FER1L6: variants seen among roughly 807,000 people sequenced by gnomAD.
FER1L6 encodes fer-1-like protein 6.
FER1L6 carries 177 observed loss-of-function variants against 219.2 expected under a neutral mutation model. The ratio of observed to expected loss-of-function variants is 0.81; its 90% CI spans 0.71 to 0.91. The LOEUF is 0.91. Among genes scored for constraint, FER1L6 ranks in the 40% least tolerant of loss-of-function variants. The pLI is 0.00. For missense variants in FER1L6, 2,153 were observed against 2,259.9 expected (o/e 0.95, Z 0.96); for synonymous variants, 768 against 824.3 (o/e 0.93, Z 1.17).
intron 1 of FER1L6, among the ~76,000 whole-genome samples, chr8:123,886,474 ATGTCT>A (rs1817205368): frequency 6.6e-6 from 1 of 152,142 alleles, no homozygotes; most frequent in African/African-American, 2.4e-5. Context: ...ACCTACTGAC[ATGTCT>A]TGACCCAGCA....
At chr8:124,080,232 C>T (rs535834886) in intron 32 of FER1L6, among the ~76,000 whole-genome samples, 43 of 152,118 alleles carry the variant, frequency 2.8e-4, no homozygotes, top group Non-Finnish European at 4.6e-4. Context: ...ACCCTTGCAT[C>T]TAGGGATAGT....
At chr8:123,969,204 T>C (rs1815688344) in intron 5 of FER1L6, among the ~76,000 whole-genome samples, 1 of 152,218 alleles carries the variant, frequency 6.6e-6, no homozygotes, top group Non-Finnish European at 1.5e-5. Flanking sequence ...TTCAGTCTTA[T>C]CTGTAAAACA....
rs117403659 is a variant in FER1L6 at position 123,992,786 on chromosome 8, A to G, written c.1519+6610A>G. ...TTTTTCCTATTTTTCTACTTCCTTG[A>G]GGTGCGACATTGGGTTGTCAATTTG... On this transcript the variant is annotated intron_variant, in intron 12 of 40. Transcript: ENST00000522917. Among the ~76,000 whole-genome samples the G allele has an allele frequency of 5.3e-3, 803 of 151,972 alleles. 1 individual carries two copies. Among genetic ancestry groups the G allele is most frequent in the Middle Eastern group, 0.01 (3 of 294 alleles).
At chr8:123,964,408 T>G (rs1815441162) in intron 3 of FER1L6, among the ~76,000 whole-genome samples, 1 of 152,182 alleles carries the variant, frequency 6.6e-6, no homozygotes, top group African/African-American at 2.4e-5. Flanking sequence ...GTTTCTGGGT[T>G]GTGACAGGAT....
chr8:124,042,601 T>C (rs1205459279), intron 20 of FER1L6, among the ~76,000 whole-genome samples: 3 of 152,196 alleles, frequency 2.0e-5, no homozygotes, highest in Non-Finnish European at 1.5e-5. Flanking sequence ...AATTTCCCTC[T>C]CCTGTTTCAC....
Position 123,950,819 on chromosome 8 carries a change from C to A in FER1L6, c.-7-5173C>A, listed in dbSNP as rs1452211431. ...CCTCCCGTGAGACTGGGAGCCAGGGCCCATCCATTCAGGCCATTAGCCTTG... is the reference window on the plus strand; with the variant it reads ...CCTCCCGTGAGACTGGGAGCCAGGGACCATCCATTCAGGCCATTAGCCTTG... On this transcript the variant is annotated intron_variant, in intron 1 of 40. Transcript: ENST00000522917. Among the ~76,000 whole-genome samples, 5 of 152,160 alleles carry A rather than the reference C, an allele frequency of 3.3e-5. No homozygotes were observed. In the East Asian group the frequency reaches 9.6e-4, roughly 29 times the overall value.
chr8:124,108,537 T>G, intron 39 of FER1L6, among the ~76,000 whole-genome samples: 1 of 152,134 alleles, frequency 6.6e-6, no homozygotes, highest in East Asian at 1.9e-4. Context: ...TACCTAAATA[T>G]CTTAGTCAAT....
rs1454698281 is a variant in FER1L6, at chr8:123,898,868, C to T, written c.-8+46683C>T. Among the ~76,000 whole-genome samples the T allele has an allele frequency of 1.1e-3, 120 of 112,116 alleles. 1 individual carries two copies. The South Asian group carries it at 0.019, about 17-fold the overall frequency. The allele number at this position is 112,116 out of a possible 152,430, so 73.6% of individuals were successfully genotyped here. A position where few individuals can be genotyped will look rare whatever the true frequency, so the allele number is the denominator to read the frequency against. On this transcript the variant is annotated intron_variant, in intron 1 of 40. Transcript: ENST00000522917. ...ATATATACACACACACACACACACACATATATATATATATCAGTTTTTTAT... is the reference window on the plus strand; with the variant it reads ...ATATATACACACACACACACACACATATATATATATATATCAGTTTTTTAT...
intron 11 of FER1L6, 168 bp from the exon 12 acceptor site, chr8:123,985,900 A>G (rs1563725903): frequency 1.7e-6 from 1 of 580,308 alleles, no homozygotes; most frequent in Non-Finnish European, 3.1e-6. Flanking sequence ...CAGTTTGCAG[A>G]TCCTGATTCA....
rs1235847448 is a variant in FER1L6, at chr8:123,980,818, C to A, written c.1410+7C>A. ...GTTCGATGTCCCCCCGGAGGTAGGTCTAGGCACTGCATTATGGTACTTTAC... is the reference window on the plus strand; with the variant it reads ...GTTCGATGTCCCCCCGGAGGTAGGTATAGGCACTGCATTATGGTACTTTAC... On this transcript the variant is annotated splice_region_variant and intron_variant, in intron 11 of 40. Transcript: ENST00000522917. The A allele has an allele frequency of 6.2e-7, 1 of 1,605,770 alleles. No individual in the cohort carries two copies.
intron 1 of FER1L6, among the ~76,000 whole-genome samples, chr8:123,855,733 G>A (rs7018161): frequency 0.16 from 23,456 of 146,650 alleles, 2,001 homozygotes; most frequent in African/African-American, 0.22. Context: ...ACACATATAC[G>A]TAATATGTGT....
At chr8:124,005,323 T>A (rs1817608983) in intron 13 of FER1L6, among the ~76,000 whole-genome samples, 1 of 152,260 alleles carries the variant, frequency 6.6e-6, no homozygotes, top group Non-Finnish European at 1.5e-5. Context: ...GATCCTAGTC[T>A]ACTTCTCCAC....
At chr8:123,959,107 A>G (rs921995657) in intron 2 of FER1L6, among the ~76,000 whole-genome samples, 7 of 152,144 alleles carry the variant, frequency 4.6e-5, no homozygotes, top group Admixed American at 1.3e-4. Context: ...TTATAAGGTC[A>G]CCCTGGATGC....
intron 13 of FER1L6, among the ~76,000 whole-genome samples, chr8:124,004,670 A>C (rs931169567): frequency 1.3e-5 from 2 of 151,964 alleles, no homozygotes; most frequent in Non-Finnish European, 2.9e-5. Context: ...CTCTCAGCCC[A>C]CCATTCTGAG....
At chr8:123,962,717 C>T (rs186564292) in intron 2 of FER1L6, among the ~76,000 whole-genome samples, 98 of 152,232 alleles carry the variant, frequency 6.4e-4, no homozygotes, top group South Asian at 1.0e-3. Flanking sequence ...ACATCTGTCC[C>T]GCTGGGTTCA....
intron 1 of FER1L6, among the ~76,000 whole-genome samples, chr8:123,898,794 TACATATATAC>T: frequency 1.1e-5 from 1 of 90,118 alleles, no homozygotes; most frequent in Non-Finnish European, 2.8e-5. Context: ...TGTACATATA[TACATATATAC>T]ACATATATAT....
chr8:124,046,815 C>A (rs1819759544), intron 21 of FER1L6: 1 of 152,226 alleles, frequency 6.6e-6, no homozygotes, highest in African/African-American at 2.4e-5. Context: ...CAAATACCTT[C>A]TTTAAAGCCA....
intron 22 of FER1L6, among the ~76,000 whole-genome samples, chr8:124,059,395 T>G (rs916700516): frequency 1.3e-5 from 2 of 152,208 alleles, no homozygotes; most frequent in Non-Finnish European, 2.9e-5. Context: ...AGGCATTGAA[T>G]GGTAGAAGCA....
chr8:123,898,662 TATATATAC>T (rs1812790836), intron 1 of FER1L6, among the ~76,000 whole-genome samples: 5 of 139,094 alleles, frequency 3.6e-5, no homozygotes, highest in South Asian at 2.1e-4. Context: ...TATATATGTA[TATATATAC>T]GTATATATAT....
Sources: allele counts gnomAD v4.1 joint callset (sites outside exome capture counted in the v4.1 genomes callset), GRCh38; gene constraint gnomAD v4.1.1; transcripts MANE v1.5; gene names NCBI Gene and HGNC (gene_info 2026-07-23, HGNC 2026-07-21).